Variants in TG observed in about 807,000 individuals in gnomAD.
TG encodes thyroid hormones.
In TG, 270 loss-of-function variants were observed where a neutral mutation model predicts 324.7. The observed-to-expected ratio is 0.83, with a 90% confidence interval of 0.75 to 0.92. TG has a LOEUF of 0.92. Ranked by LOEUF, TG falls within the 40% of genes least tolerant of loss-of-function variation. The pLI, the probability that TG is intolerant of heterozygous loss-of-function variation, is 0.00. For missense variants in TG, 3,591 were observed against 3,456.4 expected (o/e 1.04, Z -0.98); for synonymous variants, 1,401 against 1,327.0 (o/e 1.06, Z -1.21).
At chr8:132,917,373 TG>T in intron 20 of TG, among the ~76,000 whole-genome samples, 1 of 139,452 alleles carries the variant, frequency 7.2e-6, no homozygotes, top group Middle Eastern at 3.8e-3. Flanking sequence ...AGGTAGTGCA[TG>T]TTTGTGCATG....
At chr8:132,915,417 A>C (rs1384047691) in intron 20 of TG, among the ~76,000 whole-genome samples, 1 of 152,214 alleles carries the variant, frequency 6.6e-6, no homozygotes, top group Non-Finnish European at 1.5e-5. Flanking sequence ...AGTTCCTGTC[A>C]ACAAGAAGAT....
chr8:133,029,418 G>T (rs1480221743), intron 40 of TG, among the ~76,000 whole-genome samples: 1 of 152,146 alleles, frequency 6.6e-6, no homozygotes, highest in Admixed American at 6.5e-5. Context: ...AAAGACATGG[G>T]GCAGAGAGTT....
intron 28 of TG, among the ~76,000 whole-genome samples, chr8:132,962,036 G>T (rs1054280540): frequency 1.3e-5 from 2 of 152,062 alleles, no homozygotes; most frequent in African/African-American, 4.8e-5. Flanking sequence ...AATTGCCTGA[G>T]CAATAATACA....
chr8:133,086,767 T>A (rs370861811), intron 41 of TG, among the ~76,000 whole-genome samples: 1 of 152,184 alleles, frequency 6.6e-6, no homozygotes. Flanking sequence ...ACAACAATCC[T>A]ATGGGGAAGC....
intron 43 of TG, among the ~76,000 whole-genome samples, chr8:133,098,792 A>G (rs1400165755): frequency 6.6e-6 from 1 of 152,122 alleles, no homozygotes; most frequent in Admixed American, 6.5e-5. Context: ...ATCTGGGACC[A>G]TGGTGTTCAG....
At chr8:132,930,088 T>C (rs537462839) in intron 23 of TG, among the ~76,000 whole-genome samples, 1 of 152,308 alleles carries the variant, frequency 6.6e-6, no homozygotes, top group Non-Finnish European at 1.5e-5. Flanking sequence ...TGTGATGTAG[T>C]TATTAAGTAA....
chr8:132,960,025 A>G (rs1827516790), intron 27 of TG, among the ~76,000 whole-genome samples: 1 of 152,162 alleles, frequency 6.6e-6, no homozygotes, highest in African/African-American at 2.4e-5. Flanking sequence ...AGTGTTGGAT[A>G]AATGGTAATA....
intron 21 of TG, among the ~76,000 whole-genome samples, chr8:132,922,251 G>A (rs138825799): frequency 1.7e-4 from 26 of 152,306 alleles, no homozygotes; most frequent in Admixed American, 1.1e-3. Flanking sequence ...TAGGGGGCCC[G>A]GTGGAGAAAG....
At chr8:132,955,903 G>A (rs938007151) in intron 27 of TG, among the ~76,000 whole-genome samples, 2 of 152,198 alleles carry the variant, frequency 1.3e-5, no homozygotes, top group Non-Finnish European at 2.9e-5. Context: ...TCTGTGCCCA[G>A]ACCCTCAAGT....
At chr8:132,868,073 C>T (rs753154997) in intron 1 of TG, 42 bp from the exon 2 acceptor site, 32 of 1,569,994 alleles carry the variant, frequency 2.0e-5, no homozygotes, top group African/African-American at 2.7e-5. Context: ...CCTGGCAGCC[C>T]AGTCCACACT....
In TG at chr8:133,059,694, T is replaced by C. The variant is rs191904750; in HGVS notation, c.7239+29671T>C. Among the ~76,000 whole-genome samples, 13 of 152,290 alleles carry C rather than the reference T, an allele frequency of 8.5e-5. No homozygotes were observed. In the East Asian group the frequency reaches 2.3e-3, roughly 27 times the overall value. On this transcript the variant is annotated intron_variant, in intron 41 of 47. Coordinates refer to ENST00000220616, the MANE Select transcript of TG (RefSeq NM_003235.5). Reference sequence around the variant, plus strand: ...TGCGGGGCTAAGTATAAGGATGATATTATATTATGGGCTGCCAGAGTTTGG... The same window carrying C: ...TGCGGGGCTAAGTATAAGGATGATACTATATTATGGGCTGCCAGAGTTTGG...
chr8:133,050,065 G>A (rs1840118114), intron 41 of TG: 3 of 953,328 alleles, frequency 3.1e-6, no homozygotes, highest in Non-Finnish European at 5.2e-6. Context: ...AGAGTAATCA[G>A]ATTTAACCCA....
At chr8:133,113,045 C>G (rs192900110) in intron 43 of TG, among the ~76,000 whole-genome samples, 331 of 152,294 alleles carry the variant, frequency 2.2e-3, no homozygotes, top group African/African-American at 7.6e-3. Flanking sequence ...CATGAGTTGG[C>G]TGAGCAAGGA....
At chr8:133,090,300 C>T (rs751422807) in intron 41 of TG, among the ~76,000 whole-genome samples, 13 of 152,294 alleles carry the variant, frequency 8.5e-5, no homozygotes, top group South Asian at 4.1e-4. Flanking sequence ...CAGAGAGAAG[C>T]CCTGGGTTTG....
chr8:133,054,891 C>T (rs1185251196), intron 41 of TG, among the ~76,000 whole-genome samples: 1 of 152,138 alleles, frequency 6.6e-6, no homozygotes, highest in African/African-American at 2.4e-5. Flanking sequence ...GCTGCATGAC[C>T]ATTTCTTTTT....
In TG at chr8:133,077,015, A is replaced by G. The variant is rs900135184; in HGVS notation, c.7240-18029A>G. Among the ~76,000 whole-genome samples the G allele has an allele frequency of 3.3e-5, 5 of 152,234 alleles. No homozygotes were observed. The South Asian group carries it at 8.3e-4, about 25-fold the overall frequency. On this transcript the variant is annotated intron_variant, in intron 41 of 47. Transcript: ENST00000220616. ...TATGGCGACCCATCAAAGAAACTCAATGGGTTGATGGGACCGAGGGGCGCA... is the reference window on the plus strand; with the variant it reads ...TATGGCGACCCATCAAAGAAACTCAGTGGGTTGATGGGACCGAGGGGCGCA...
intron 41 of TG, chr8:133,059,961 A>G (rs1842123036): frequency 3.5e-6 from 3 of 860,952 alleles, no homozygotes; most frequent in Non-Finnish European, 3.5e-6. Context: ...CCACAAACAA[A>G]ACTAGAGAGA....
At chr8:132,933,167 G>T (rs1201403082) in intron 23 of TG, among the ~76,000 whole-genome samples, 2 of 144,920 alleles carry the variant, frequency 1.4e-5, no homozygotes, top group Non-Finnish European at 3.0e-5. Flanking sequence ...GTGCTTGTGG[G>T]GGTATATTTG....
intron 21 of TG, among the ~76,000 whole-genome samples, chr8:132,922,877 T>C (rs978900411): frequency 6.6e-6 from 1 of 152,182 alleles, no homozygotes; most frequent in Admixed American, 6.5e-5. Context: ...ACCGTCACAC[T>C]GGGCACTGGG....
Sources: gnomAD v4.1 joint callset for allele counts (sites outside exome capture counted in the v4.1 genomes callset) on GRCh38, gnomAD v4.1.1 for gene constraint, MANE v1.5 for transcripts, NCBI Gene and HGNC (gene_info 2026-07-23, HGNC 2026-07-21) for gene names.